CASTOR2: variants seen among roughly 807,000 people sequenced by gnomAD.
CASTOR2 encodes GATS protein like 2.
Under a neutral mutation model 31.2 loss-of-function variants are expected in CASTOR2, and 8 were observed. That is an observed-to-expected ratio of 0.26 (90% CI 0.15 to 0.46). The LOEUF (loss-of-function observed/expected upper bound fraction) is 0.46, where lower values mean the gene tolerates loss of function less well. Among genes scored for constraint, CASTOR2 ranks in the 20% least tolerant of loss-of-function variants. CASTOR2 has a pLI of 0.99. For missense variants in CASTOR2, 216 were observed against 382.1 expected (o/e 0.57, Z 3.62); for synonymous variants, 162 against 158.7 (o/e 1.02, Z -0.16).
Position 75,029,271 on chromosome 7 carries a change from T to C in CASTOR2, c.*4572T>C, listed in dbSNP as rs1227812600. Among the ~76,000 whole-genome samples the C allele has an allele frequency of 6.6e-6, 1 of 152,032 alleles. No individual in the cohort carries two copies. The highest frequency in any genetic ancestry group is 1.5e-5 in the Non-Finnish European group (1 of 68,012). ...CTGGGCCCCTTTCTGAGCCTAGAGA[T>C]CTGGATGTGGTGACAACCAGGGCTT... On this transcript the variant is annotated 3_prime_UTR_variant, in exon 9 of 9. Coordinates refer to ENST00000616305, the MANE Select transcript of CASTOR2 (RefSeq NM_001145064.3).
chr7:75,017,239 G>C (rs1804885081), intron 2 of CASTOR2, among the ~76,000 whole-genome samples: 1 of 152,196 alleles, frequency 6.6e-6, no homozygotes, highest in African/African-American at 2.4e-5. Flanking sequence ...ACGAGGTCAA[G>C]AGATTGAGAC....
At chr7:74,996,091 G>C (rs1804340423) in intron 1 of CASTOR2, among the ~76,000 whole-genome samples, 1 of 152,124 alleles carries the variant, frequency 6.6e-6, no homozygotes, top group African/African-American at 2.4e-5. Context: ...TGGCAGAGGG[G>C]CAGGGGTGGA....
Position 75,031,248 on chromosome 7 carries a change from G to A in CASTOR2, c.*6549G>A, listed in dbSNP as rs899171925. ...CCCCCACCATCGTAGTGGGGGCAGG[G>A]GACTTCCTGCCCACAACCCCCTCCA... On this transcript the variant is annotated 3_prime_UTR_variant, in exon 9 of 9. Transcript: ENST00000616305. Among the ~76,000 whole-genome samples the A allele has an allele frequency of 6.2e-4, 94 of 152,148 alleles. No homozygotes were observed. Among genetic ancestry groups the A allele is most frequent in the African/African-American group, 2.2e-3 (92 of 41,540 alleles).
chr7:75,021,887 T>C lies in CASTOR2; in HGVS notation c.760T>C (p.Leu254=), dbSNP rs1805014252. ...CTCCTTTTGAAGGTTTCCTAGTAAC[T>C]TGCTGTTCACAAGCGCATCCGGAGA... is the stretch of plus-strand genomic sequence containing the variant. ...VQTQQRFPSN[L]LFTSASGELW... is the part of the protein sequence containing the mutation. Residue 254 remains leucine, a synonymous_variant, in exon 7 of 9, where the codon TTG becomes CTG. Transcript: ENST00000616305. The C allele has an allele frequency of 6.4e-7, 1 of 1,551,732 alleles. No homozygotes were observed. Among genetic ancestry groups the C allele is most frequent in the South Asian group, 1.2e-5 (1 of 84,062 alleles).
chr7:74,996,099 G>A (rs1804340579), intron 1 of CASTOR2, among the ~76,000 whole-genome samples: 1 of 152,174 alleles, frequency 6.6e-6, no homozygotes, highest in Non-Finnish European at 1.5e-5. Context: ...GGGCAGGGGT[G>A]GAAGAGGTCT....
At position 75,028,020 on chromosome 7, in the gene CASTOR2, C is replaced by T; in HGVS notation, c.*3321C>T. ...ACTCCTTACCTGTTTGCCGTCCATC[C>T]CCCGGAGGTAATCAGAGGAGTGGGC... On this transcript the variant is annotated 3_prime_UTR_variant, in exon 9 of 9. Coordinates refer to ENST00000616305, the MANE Select transcript of CASTOR2 (RefSeq NM_001145064.3). 1 of 1,534,916 alleles carries T rather than the reference C, an allele frequency of 6.5e-7. No homozygotes were observed. Among genetic ancestry groups the T allele is most frequent in the Non-Finnish European group, 8.7e-7 (1 of 1,146,696 alleles).
In CASTOR2 at chr7:75,008,123, G is replaced by A. The variant is rs1216117796; in HGVS notation, c.184+59G>A. On this transcript the variant is annotated intron_variant, in intron 2 of 8. Coordinates refer to ENST00000616305, the MANE Select transcript of CASTOR2 (RefSeq NM_001145064.3). The stretch of plus-strand genomic sequence containing the variant: ...CCATGCCCCGAAGTCAGGGCTGGCT[G>A]CCCACCTCCTTATTTCTGTCCCCCG... The A allele has an allele frequency of 3.6e-3, 5,396 of 1,503,424 alleles. 138 individuals carry two copies. In the African/African-American group the frequency reaches 0.088, roughly 25 times the overall value. The allele number at this position is 1,503,424 out of a possible 1,614,324, so 93.1% of individuals were successfully genotyped here. A position where few individuals can be genotyped will look rare whatever the true frequency, so the allele number is the denominator to read the frequency against.
intron 2 of CASTOR2, among the ~76,000 whole-genome samples, chr7:75,009,414 C>T (rs1227461696): frequency 6.6e-6 from 1 of 150,814 alleles, no homozygotes; most frequent in Admixed American, 6.6e-5. Context: ...ACTACAGGCG[C>T]CCGCCACCAC....
Position 75,025,734 on chromosome 7 carries a change from T to C in CASTOR2, c.*1035T>C, listed in dbSNP as rs2131960619. On this transcript the variant is annotated 3_prime_UTR_variant, in exon 9 of 9. Coordinates refer to ENST00000616305, the MANE Select transcript of CASTOR2 (RefSeq NM_001145064.3). ...TAATAGAGAAAACCATACTTTGTTTTAGTTTTTTATTTAATGTATTTGCAC... is the reference window on the plus strand; with the variant it reads ...TAATAGAGAAAACCATACTTTGTTTCAGTTTTTTATTTAATGTATTTGCAC... Among the ~76,000 whole-genome samples, 1 of 152,342 alleles carries C rather than the reference T, an allele frequency of 6.6e-6. No individual in the cohort carries two copies. The highest frequency in any genetic ancestry group is 2.1e-4 in the South Asian group (1 of 4,830).
At chr7:75,018,179 C>T in intron 4 of CASTOR2, 57 bp downstream of exon 4, 2 of 1,588,420 alleles carry the variant, frequency 1.3e-6, no homozygotes, top group Non-Finnish European at 1.7e-6. Context: ...CCAGGCCCAG[C>T]CGCAGACCAG....
In CASTOR2 at chr7:75,025,115, G is replaced by A. The variant is rs1805091553; in HGVS notation, c.*416G>A. ...TTGCAGGGCTGGGGCTGGCGGGGTG[G>A]GGCCGAGTTTGGGGTGCCCTGGAGG... On this transcript the variant is annotated 3_prime_UTR_variant, in exon 9 of 9. Transcript: ENST00000616305. 6.6e-6 allele frequency among the ~76,000 whole-genome samples: 1 copy of A among 152,204 alleles called. No individual in the cohort carries two copies. The highest frequency in any genetic ancestry group is 2.4e-5 in the African/African-American group (1 of 41,456).
At chr7:75,010,128 AC>A (rs1220587136) in intron 2 of CASTOR2, among the ~76,000 whole-genome samples, 1 of 151,622 alleles carries the variant, frequency 6.6e-6, no homozygotes, top group African/African-American at 2.4e-5. Flanking sequence ...GCATGGGGAG[AC>A]TTCTGCAGCA....
At chr7:75,024,107 G>T (rs1805069739) in intron 7 of CASTOR2, among the ~76,000 whole-genome samples, 1 of 152,072 alleles carries the variant, frequency 6.6e-6, no homozygotes. Flanking sequence ...GGCCAACATG[G>T]TGAAACCCCA....
At chr7:75,012,096 C>T (rs1197132519) in intron 2 of CASTOR2, among the ~76,000 whole-genome samples, 6 of 152,162 alleles carry the variant, frequency 3.9e-5, no homozygotes, top group South Asian at 2.1e-4. Flanking sequence ...GCTCTCAAGG[C>T]GCCTCTAGCC....
chr7:75,020,487 G>T (rs1318906343), intron 6 of CASTOR2, among the ~76,000 whole-genome samples: 15 of 136,474 alleles, frequency 1.1e-4, no homozygotes, highest in African/African-American at 4.0e-4. Flanking sequence ...CGCCTCAGGC[G>T]TGATTTTTTT....
chr7:75,000,103 A>G (rs1449896617), intron 1 of CASTOR2, among the ~76,000 whole-genome samples: 1 of 152,170 alleles, frequency 6.6e-6, no homozygotes, highest in Non-Finnish European at 1.5e-5. Context: ...ATGTGCATCT[A>G]TAGTCCCAGC....
At chr7:75,001,101 G>T (rs1284512222) in intron 1 of CASTOR2, among the ~76,000 whole-genome samples, 1 of 152,034 alleles carries the variant, frequency 6.6e-6, no homozygotes, top group Non-Finnish European at 1.5e-5. Context: ...TTTTAAGACA[G>T]GATCTCACTG....
chr7:74,977,163 G>A (rs1412015053), intron 1 of CASTOR2, among the ~76,000 whole-genome samples: 1 of 115,896 alleles, frequency 8.6e-6, no homozygotes, highest in African/African-American at 3.3e-5. Flanking sequence ...CAGCCTGGGT[G>A]ACAAGAGTGA....
chr7:75,024,587 G>C (rs935330133), intron 8 of CASTOR2, 47 bp from the exon 9 acceptor site: 83 of 1,550,778 alleles, frequency 5.4e-5, no homozygotes, highest in Non-Finnish European at 7.1e-5. Flanking sequence ...GGGGAAGCAG[G>C]TTCCTGGGCT....
Sources: gnomAD v4.1 joint callset for allele counts (sites outside exome capture counted in the v4.1 genomes callset) on GRCh38, gnomAD v4.1.1 for gene constraint, MANE v1.5 for transcripts, NCBI Gene and HGNC (gene_info 2026-07-23, HGNC 2026-07-21) for gene names.